The following KLHL8 variants were observed in gnomAD, a reference collection of about 807,000 sequenced individuals.
The protein encoded by KLHL8 is kelch like family member 8, also known as kelch-like protein 8.
A neutral mutation model predicts 63.5 loss-of-function variants in KLHL8; 38 were observed. The observed-to-expected ratio is 0.60, with a 90% CI of 0.46 to 0.78. The LOEUF (loss-of-function observed/expected upper bound fraction) is 0.78, where lower values mean the gene tolerates loss of function less well. Among genes scored for constraint, KLHL8 ranks in the 30% least tolerant of loss-of-function variants. KLHL8 has a pLI of 0.00. For missense variants in KLHL8, 566 were observed against 752.4 expected (o/e 0.75, Z 2.90); for synonymous variants, 224 against 254.3 (o/e 0.88, Z 1.13).
chr4:87,225,421 C>A (rs538778811), upstream of KLHL8, among the ~76,000 whole-genome samples: 2 of 152,252 alleles, frequency 1.3e-5, no homozygotes, highest in Admixed American at 6.5e-5. Context: ...AATACTTGGA[C>A]TATAAATGGA....
intron 1 of KLHL8, among the ~76,000 whole-genome samples, chr4:87,202,174 A>G (rs1731945193): frequency 6.6e-6 from 1 of 152,210 alleles, no homozygotes; most frequent in African/African-American, 2.4e-5. Context: ...GAAACTAGAA[A>G]AAGAACAAAA....
intron 2 of KLHL8, among the ~76,000 whole-genome samples, chr4:87,190,074 T>C (rs1056013156): frequency 3.8e-4 from 56 of 148,316 alleles, no homozygotes; most frequent in African/African-American, 1.3e-3. Context: ...AAAAGTAAAA[T>C]TTTATCTTAG....
chr4:87,168,660 G>A (rs915219082), intron 8 of KLHL8, among the ~76,000 whole-genome samples: 1 of 146,210 alleles, frequency 6.8e-6, no homozygotes, highest in African/African-American at 2.6e-5. Context: ...ATATATATAT[G>A]TATATATATG....
At chr4:87,164,563 C>A (rs1257596415) in intron 8 of KLHL8, among the ~76,000 whole-genome samples, 3 of 152,122 alleles carry the variant, frequency 2.0e-5, no homozygotes, top group Non-Finnish European at 1.5e-5. Flanking sequence ...CTATAATCGC[C>A]ATCATAATTA....
At chr4:87,214,456 ATAT>A (rs1560716513) in intron 1 of KLHL8, among the ~76,000 whole-genome samples, 21 of 118,122 alleles carry the variant, frequency 1.8e-4, no homozygotes, top group African/African-American at 5.6e-4. Flanking sequence ...ATATATATAT[ATAT>A]AATTGTCATC....
intron 1 of KLHL8, among the ~76,000 whole-genome samples, chr4:87,231,918 C>T (rs1733144171): frequency 6.6e-6 from 1 of 152,114 alleles, no homozygotes; most frequent in Admixed American, 6.6e-5. Flanking sequence ...TTTTATTGTT[C>T]ACACTATCTC....
upstream of KLHL8, among the ~76,000 whole-genome samples, chr4:87,222,223 T>A (rs1732886874): frequency 1.3e-5 from 2 of 152,234 alleles, no homozygotes; most frequent in Non-Finnish European, 2.9e-5. Context: ...TTGGACAGAC[T>A]TTTGTCACAA....
intron 7 of KLHL8, 47 bp downstream of exon 7, chr4:87,170,400 T>C (rs745440147): frequency 6.5e-7 from 1 of 1,544,716 alleles, no homozygotes; most frequent in South Asian, 1.2e-5. Context: ...ATTTTGGTTA[T>C]GAATGTAATG....
At chr4:87,219,757 G>C (rs984748024) in intron 1 of KLHL8, 1 of 152,520 alleles carries the variant, frequency 6.6e-6, no homozygotes, top group South Asian at 2.1e-4. Context: ...TGAGCGTCTA[G>C]AAAGAGGCTG....
chr4:87,161,307 G>A lies in KLHL8; in HGVS notation c.*2212C>T, dbSNP rs1730161108. On this transcript the variant is annotated 3_prime_UTR_variant, in exon 10 of 10. Transcript: ENST00000273963. ...GGTCCACCCACCTCGGCCTCCCAAA[G>A]TGCTGGGATCACAGGCGTGAGCCAC... 1 of 152,278 alleles carries A rather than the reference G, an allele frequency of 6.6e-6. No homozygotes were observed. The highest frequency in any genetic ancestry group is 2.1e-4 in the South Asian group (1 of 4,826). The allele number at this position is 152,278 out of a possible 1,614,324, so 9.4% of individuals were successfully genotyped here.
At position 87,185,528 on chromosome 4, in the gene KLHL8, T is replaced by A; in HGVS notation, c.488A>T (p.His163Leu). The change falls in exon 3 of 10, where the codon CAT (histidine) becomes CTT (leucine). Residue 163 changes from histidine (H) to leucine (L), a missense_variant. By Grantham distance (99) the His-to-Leu change is moderately conservative (BLOSUM62 -3). Transcript: ENST00000273963. ...TGCCAGGCAATTGGAGGGATGAAAA[T>A]GTAACTTCATGTATTCACAACAAGC... is the stretch of plus-strand genomic sequence containing the variant. ...ARACCEYMKL[H>L]FHPSNCLAVR... 1 of 1,614,148 alleles carries A rather than the reference T, an allele frequency of 6.2e-7. No homozygotes were observed.
intron 1 of KLHL8, among the ~76,000 whole-genome samples, chr4:87,205,099 G>A (rs1478264653): frequency 2.0e-5 from 3 of 152,138 alleles, no homozygotes; most frequent in African/African-American, 7.2e-5. Context: ...GGATAAATCA[G>A]CCCATAAAAA....
At chr4:87,199,698 T>C (rs1027888713) in intron 1 of KLHL8, among the ~76,000 whole-genome samples, 2 of 149,464 alleles carry the variant, frequency 1.3e-5, no homozygotes, top group Non-Finnish European at 3.0e-5. Flanking sequence ...AATTTTAAAA[T>C]GGGCAAAAGG....
At position 87,207,852 on chromosome 4, in the gene KLHL8, T is replaced by C; in HGVS notation, c.-151-12162A>G. On this transcript the variant is annotated intron_variant, in intron 1 of 9. Coordinates refer to ENST00000273963, the MANE Select transcript of KLHL8 (RefSeq NM_020803.5). ...ATCTGGAAAAACCTGCCAAATATGA[T>C]GACATCAAGAAGGTGGTGAAGCAGA... 6.6e-6 allele frequency: 10 copies of C among 1,505,574 alleles called. No homozygotes were observed. In the Admixed American group the frequency reaches 1.2e-4, roughly 18 times the overall value. 93.3% of individuals were successfully genotyped at this position (1,505,574 alleles called of 1,614,324 possible).
chr4:87,203,249 T>C (rs1731987291), intron 1 of KLHL8, among the ~76,000 whole-genome samples: 1 of 150,284 alleles, frequency 6.7e-6, no homozygotes, highest in Non-Finnish European at 1.5e-5. Flanking sequence ...AAAAACAAGG[T>C]GAACATGGCT....
At chr4:87,225,816 T>C (rs542635520) in intron 1 of KLHL8, among the ~76,000 whole-genome samples, 1 of 152,192 alleles carries the variant, frequency 6.6e-6, no homozygotes. Context: ...TGAAAATTAC[T>C]AGTGCTGGTG....
intron 1 of KLHL8, chr4:87,207,808 G>A (rs963694181): frequency 2.9e-6 from 3 of 1,033,184 alleles, no homozygotes; most frequent in Non-Finnish European, 4.5e-6. Context: ...CAAGGTGTCG[G>A]TCATTAACCT....
chr4:87,214,435 T>TATAG (rs1307242552), intron 1 of KLHL8, among the ~76,000 whole-genome samples: 4 of 79,226 alleles, frequency 5.0e-5, no homozygotes, highest in Non-Finnish European at 8.8e-5. Context: ...TATATATATA[T>TATAG]ATATATATAT....
At chr4:87,178,140 G>A (rs551991993) in intron 5 of KLHL8, among the ~76,000 whole-genome samples, 60 of 152,066 alleles carry the variant, frequency 3.9e-4, no homozygotes, top group Admixed American at 5.9e-4. Context: ...AAAATTAATT[G>A]TACTAATAAT....
Sources: allele counts gnomAD v4.1 joint callset (sites outside exome capture counted in the v4.1 genomes callset), GRCh38; gene constraint gnomAD v4.1.1; transcripts MANE v1.5; gene names NCBI Gene and HGNC (gene_info 2026-07-23, HGNC 2026-07-21).